The following PDP2 variants were observed in gnomAD, a reference collection of about 807,000 sequenced individuals.
PDP2 encodes [Pyruvate dehydrogenase [acetyl-transferring]]-phosphatase 2, mitochondrial.
PDP2 carries 23 observed loss-of-function variants against 34.2 expected under a neutral mutation model. That is an observed-to-expected ratio of 0.67 (90% CI 0.48 to 0.95). The LOEUF (loss-of-function observed/expected upper bound fraction) is 0.95. Among genes scored for constraint, PDP2 ranks in the 40% least tolerant of loss-of-function variants. The probability of loss-of-function intolerance (pLI) is 0.00; values close to 1 mark genes in which losing one functional copy is unlikely to be tolerated. For synonymous variants in PDP2, 275 were observed against 269.2 expected (o/e 1.02, Z -0.21); for missense variants, 571 against 659.6 (o/e 0.87, Z 1.47).
intron 1 of PDP2, among the ~76,000 whole-genome samples, chr16:66,883,867 C>T (rs1235072321): frequency 6.6e-6 from 1 of 152,112 alleles, no homozygotes; most frequent in Non-Finnish European, 1.5e-5. Context: ...TTTCAGAAGT[C>T]AGTATTTTTA....
At position 66,885,629 on chromosome 16, in the gene PDP2, G is replaced by A. The variant is rs139998294; in HGVS notation, c.1345G>A (p.Gly449Arg). Residue 449 changes from glycine (G) to arginine (R), a missense_variant, in exon 2 of 2, where the codon GGG (glycine) becomes AGG (arginine). Physicochemically the swap from Gly to Arg is moderately radical, Grantham distance 125. This residue lies in a region of PDP2 where 281 missense variants were observed against 375.8 expected (regional missense o/e 0.75). Transcript: ENST00000311765. This position sits in a 1 kb window ranked among gnomAD's most constrained non-coding sequence, Gnocchi z 4.6. ...CCTGGCCCAGAGACCCGCCAACTTG[G>A]GGCTCATGCAGAGCCTGCTGCTGCA... is the stretch of plus-strand genomic sequence containing the variant. Reference protein sequence around the residue: ...TDLAQRPANLGLMQSLLLQRK... With the variant: ...TDLAQRPANLRLMQSLLLQRK... 1.9e-6 allele frequency: 3 copies of A among 1,613,938 alleles called. No homozygotes were observed. Among genetic ancestry groups the A allele is most frequent in the African/African-American group, 1.3e-5 (1 of 74,904 alleles).
chr16:66,885,415 G>C lies in PDP2; in HGVS notation c.1131G>C (p.Gln377His). Reference protein sequence around the residue: ...GFNTEALNIYQFTPPHYYTPP... With the variant: ...GFNTEALNIYHFTPPHYYTPP... ...ATACCGAGGCCCTCAACATTTACCAGTTCACACCCCCACACTACTACACTC... is the reference window on the plus strand; with the variant it reads ...ATACCGAGGCCCTCAACATTTACCACTTCACACCCCCACACTACTACACTC... Residue 377 changes from glutamine to histidine, a missense_variant, in exon 2 of 2, where the codon CAG becomes CAC. Physicochemically the swap from Gln to His is conservative, Grantham distance 24. Around this residue, in one of 2 missense-constraint regions of PDP2, gnomAD observed 281 missense variants for 375.8 expected, o/e 0.75. Transcript: ENST00000311765. The surrounding 1 kb of genome is among the most constrained non-coding windows in gnomAD (Gnocchi z 4.6). The C allele has an allele frequency of 6.2e-7, 1 of 1,613,808 alleles. No homozygotes were observed. Among genetic ancestry groups the C allele is most frequent in the Non-Finnish European group, 8.5e-7 (1 of 1,180,024 alleles).
rs1329030356 is a variant in PDP2, at chr16:66,887,991, G to GTCCGTCCTTCCTTCCTTCCTTCCT, written c.*2120_*2121insGTCCTTCCTTCCTTCCTTCCTTCC. 2.1e-5 allele frequency: 2 copies of GTCCGTCCTTCCTTCCTTCCTTCCT among 97,348 alleles called. No homozygotes were observed. The highest frequency in any genetic ancestry group is 4.2e-5 in the Non-Finnish European group (2 of 48,112). 6.0% of individuals were successfully genotyped at this position (97,348 alleles called of 1,614,324 possible). On this transcript the variant is annotated 3_prime_UTR_variant, in exon 2 of 2. Transcript: ENST00000311765. ...AAAAATCCATCTTATCTCTTAGTCC[G>GTCCGTCCTTCCTTCCTTCCTTCCT]TCCTTCCTTCCTTCCTTCCTTCCTT...
At position 66,884,974 on chromosome 16, in the gene PDP2, A is replaced by C; in HGVS notation, c.690A>C (p.Ala230=). ...AAATGGGACTAAGCATTGAAGAAGC[A>C]TTAATGTACTCCTTCCAGAGACTGG... ...HMEMGLSIEE[A]LMYSFQRLDS... is the part of the protein sequence containing the mutation. The change falls in exon 2 of 2, where the codon GCA becomes GCC. Residue 230 remains alanine (A), a synonymous_variant. Transcript: ENST00000311765. 6.2e-7 allele frequency: 1 copy of C among 1,613,750 alleles called. No homozygotes were observed. Among genetic ancestry groups the C allele is most frequent in the African/African-American group, 1.3e-5 (1 of 75,056 alleles).
In PDP2 at chr16:66,887,951, T is replaced by C. The variant is rs1961838750; in HGVS notation, c.*2077T>C. The C allele has an allele frequency of 8.8e-6, 1 of 113,520 alleles. No homozygotes were observed. The highest frequency in any genetic ancestry group is 3.4e-5 in the African/African-American group (1 of 29,140). 7.0% of individuals were successfully genotyped at this position (113,520 alleles called of 1,614,324 possible). Reference sequence around the variant, plus strand: ...TGGGCAACAAGAGTGAAACTCTGTCTCAAAAAAAAAAAAAAAAAATCCATC... The same window carrying C: ...TGGGCAACAAGAGTGAAACTCTGTCCCAAAAAAAAAAAAAAAAAATCCATC... On this transcript the variant is annotated 3_prime_UTR_variant, in exon 2 of 2. Coordinates refer to ENST00000311765, the MANE Select transcript of PDP2 (RefSeq NM_020786.4).
At chr16:66,882,061 A>G (rs113839288) in intron 1 of PDP2, among the ~76,000 whole-genome samples, 3 of 152,340 alleles carry the variant, frequency 2.0e-5, no homozygotes, top group African/African-American at 7.2e-5. Flanking sequence ...TAGTTAAGTA[A>G]GTTGTGATTA....
rs541089344 is a variant in PDP2 at position 66,884,115 on chromosome 16, A to G, written c.-54-116A>G. 1.5e-3 allele frequency: 771 copies of G among 518,960 alleles called. 1 individual carries two copies. The highest frequency in any genetic ancestry group is 2.1e-3 in the Non-Finnish European group (651 of 309,664). 32.1% of individuals were successfully genotyped at this position (518,960 alleles called of 1,614,324 possible). ...CATGAACCTGGGAGGCGGAGCTTGC[A>G]GTGAGCAGAGATCACACCACTGCAC... On this transcript the variant is annotated intron_variant, in intron 1 of 1. Transcript: ENST00000311765.
At position 66,884,626 on chromosome 16, in the gene PDP2, G is replaced by A. The variant is rs1596946327; in HGVS notation, c.342G>A (p.Leu114=). The change falls in exon 2 of 2, where the codon CTG becomes CTA. Residue 114 remains leucine (L), a synonymous_variant. Transcript: ENST00000311765. Reference sequence around the variant, plus strand: ...TGTTGCGGTTTGAGAGCAACCAGCTGGCTGCCAATTCCCCAGTGGAGGACC... The same window carrying A: ...TGTTGCGGTTTGAGAGCAACCAGCTAGCTGCCAATTCCCCAGTGGAGGACC... ...NSVLRFESNQ[L]AANSPVEDRR... The A allele has an allele frequency of 3.1e-6, 5 of 1,614,256 alleles. 1 individual carries two copies. In the South Asian group the frequency reaches 5.5e-5, roughly 18 times the overall value.
At position 66,885,797 on chromosome 16, in the gene PDP2, A is replaced by G. The variant is rs1180557085; in HGVS notation, c.1513A>G (p.Met505Val). The G allele has an allele frequency of 3.7e-6, 6 of 1,613,428 alleles. No homozygotes were observed. The highest frequency in any genetic ancestry group is 5.1e-6 in the Non-Finnish European group (6 of 1,180,010). ...MLTLPEDLAR[M>V]YRDDITVTVV... ...GACATTGCCAGAGGACTTGGCGAGG[A>G]TGTACAGGGATGATATCACTGTCAC... The change falls in exon 2 of 2, where the codon ATG (methionine) becomes GTG (valine). Residue 505 changes from methionine (M) to valine (V), a missense_variant. By Grantham distance (21) the Met-to-Val change is conservative. Around this residue, in one of 2 missense-constraint regions of PDP2, gnomAD observed 281 missense variants for 375.8 expected, o/e 0.75. Coordinates refer to ENST00000311765, the MANE Select transcript of PDP2 (RefSeq NM_020786.4). This position sits in a 1 kb window ranked among gnomAD's most constrained non-coding sequence, Gnocchi z 4.6.
chr16:66,886,777 C>T lies in PDP2; in HGVS notation c.*903C>T, dbSNP rs1008146756. ...CCTCTCAAACATTCTTCTGTCAATT[C>T]CACACAATCCTTCTACCTCTGCTAT... On this transcript the variant is annotated 3_prime_UTR_variant, in exon 2 of 2. Transcript: ENST00000311765. 1.7e-4 allele frequency: 38 copies of T among 222,004 alleles called. No homozygotes were observed. The highest frequency in any genetic ancestry group is 8.6e-4 in the African/African-American group (38 of 44,108). 13.8% of individuals were successfully genotyped at this position (222,004 alleles called of 1,614,324 possible).
intron 1 of PDP2, 57 bp from the exon 2 acceptor site, chr16:66,884,173 CA>C (rs575688634): frequency 0.16 from 99,257 of 631,514 alleles, 1 homozygote; most frequent in East Asian, 0.19. Context: ...GACTACGTCT[CA>C]AAAAAAAAAA....
rs1043041637 is a variant in PDP2, at chr16:66,886,244, G to A, written c.*370G>A. On this transcript the variant is annotated 3_prime_UTR_variant, in exon 2 of 2. Transcript: ENST00000311765. ...ATAAAGAACTTCAGGAGCTTCTTAGGTCTTGCCACAAAAATCTGCAAATTT... is the reference window on the plus strand; with the variant it reads ...ATAAAGAACTTCAGGAGCTTCTTAGATCTTGCCACAAAAATCTGCAAATTT... 1.6e-5 allele frequency: 4 copies of A among 255,834 alleles called. No homozygotes were observed. The highest frequency in any genetic ancestry group is 3.3e-5 in the Non-Finnish European group (4 of 119,578). 15.8% of individuals were successfully genotyped at this position (255,834 alleles called of 1,614,324 possible).
intron 1 of PDP2, 121 bp from the exon 2 acceptor site, chr16:66,884,110 C>T: frequency 2.0e-6 from 1 of 494,200 alleles, no homozygotes; most frequent in Non-Finnish European, 3.4e-6. Flanking sequence ...GGAGGCGGAG[C>T]TTGCAGTGAG....
In PDP2 at chr16:66,885,533, A is replaced by G; in HGVS notation, c.1249A>G (p.Met417Val). ...GCTGGCCTCAGATGGCCTGTGGGACATGCTGAGCAATGAGGACGTGGTAAG... is the reference window on the plus strand; with the variant it reads ...GCTGGCCTCAGATGGCCTGTGGGACGTGCTGAGCAATGAGGACGTGGTAAG... Reference protein sequence around the residue: ...LVLASDGLWDMLSNEDVVRLV... With the variant: ...LVLASDGLWDVLSNEDVVRLV... The change falls in exon 2 of 2, where the codon ATG becomes GTG. Residue 417 changes from methionine to valine, a missense_variant. Transcript: ENST00000311765. The surrounding 1 kb of genome is among the most constrained non-coding windows in gnomAD (Gnocchi z 4.6). The G allele has an allele frequency of 3.7e-6, 6 of 1,614,084 alleles. No homozygotes were observed. Among genetic ancestry groups the G allele is most frequent in the South Asian group, 3.3e-5 (3 of 91,084 alleles).
chr16:66,890,210 G>T lies in PDP2; in HGVS notation c.*4336G>T, dbSNP rs975836634. On this transcript the variant is annotated 3_prime_UTR_variant, in exon 2 of 2. Coordinates refer to ENST00000311765, the MANE Select transcript of PDP2 (RefSeq NM_020786.4). ...CAGGAGAATCCCTTGAACCCAGAAG[G>T]CAGAGGTTGCAGTGAGCTGAGATTG... 2.6e-5 allele frequency: 4 copies of T among 152,012 alleles called. No individual in the cohort carries two copies. Among genetic ancestry groups the T allele is most frequent in the Non-Finnish European group, 5.9e-5 (4 of 68,018 alleles). The allele number at this position is 152,012 out of a possible 1,614,324, so 9.4% of individuals were successfully genotyped here. A position where few individuals can be genotyped will look rare whatever the true frequency, so the allele number is the denominator to read the frequency against.
chr16:66,888,485 G>T lies in PDP2; in HGVS notation c.*2611G>T, dbSNP rs1961880434. The stretch of plus-strand genomic sequence containing the variant: ...ACTTTTTGTTGTTTTTTGAGACAAG[G>T]TCTTGCTTTGTCGCCCATGCTGGAG... On this transcript the variant is annotated 3_prime_UTR_variant, in exon 2 of 2. Transcript: ENST00000311765. 6.6e-6 allele frequency: 1 copy of T among 152,054 alleles called. No homozygotes were observed. Among genetic ancestry groups the T allele is most frequent in the Non-Finnish European group, 1.5e-5 (1 of 68,026 alleles). 9.4% of individuals were successfully genotyped at this position (152,054 alleles called of 1,614,324 possible).
In PDP2 at chr16:66,884,261, C is replaced by CT; in HGVS notation, c.-24_-23insT. ...AAAATATCCTTTTTTGCTGAAGGAA[C>CT]ACATTTGCTGGTATAGTTTCAGAAT... On this transcript the variant is annotated 5_prime_UTR_variant, in exon 2 of 2. Coordinates refer to ENST00000311765, the MANE Select transcript of PDP2 (RefSeq NM_020786.4). 2 of 1,468,588 alleles carry CT rather than the reference C, an allele frequency of 1.4e-6. No individual in the cohort carries two copies. Among genetic ancestry groups the CT allele is most frequent in the Non-Finnish European group, 1.8e-6 (2 of 1,104,058 alleles). 91.0% of individuals were successfully genotyped at this position (1,468,588 alleles called of 1,614,324 possible).
chr16:66,886,969 G>A lies in PDP2; in HGVS notation c.*1095G>A, dbSNP rs992377219. ...GGACAGGTTAATTTAGCGGATTGTG[G>A]ACTTAAGATTCAACCTCTATCTGGA... On this transcript the variant is annotated 3_prime_UTR_variant, in exon 2 of 2. Coordinates refer to ENST00000311765, the MANE Select transcript of PDP2 (RefSeq NM_020786.4). The A allele has an allele frequency of 4.1e-5, 7 of 169,258 alleles. No individual in the cohort carries two copies. The highest frequency in any genetic ancestry group is 1.0e-4 in the Non-Finnish European group (7 of 69,330). The allele number at this position is 169,258 out of a possible 1,614,324, so 10.5% of individuals were successfully genotyped here.
At position 66,890,860 on chromosome 16, in the gene PDP2, T is replaced by C. The variant is rs898107685; in HGVS notation, c.*4986T>C. ...TGGCACTATCTGAGTGGAAAGCTCA[T>C]TGGGACAGCCATGCAGCTATCAGAG... On this transcript the variant is annotated 3_prime_UTR_variant, in exon 2 of 2. Coordinates refer to ENST00000311765, the MANE Select transcript of PDP2 (RefSeq NM_020786.4). 3 of 152,192 alleles carry C rather than the reference T, an allele frequency of 2.0e-5. No individual in the cohort carries two copies. The highest frequency in any genetic ancestry group is 4.8e-5 in the African/African-American group (2 of 41,450). 9.4% of individuals were successfully genotyped at this position (152,192 alleles called of 1,614,324 possible).
Sources: allele counts gnomAD v4.1 joint callset (sites outside exome capture counted in the v4.1 genomes callset), GRCh38; gene constraint gnomAD v4.1.1; regional missense constraint gnomAD v4.1.1; non-coding constraint Gnocchi (gnomAD v3.1); transcripts MANE v1.5; gene names NCBI Gene and HGNC (gene_info 2026-07-23, HGNC 2026-07-21).